The following GRID2 variants were observed in gnomAD, a reference collection of about 807,000 sequenced individuals.
GRID2 encodes glutamate ionotropic receptor delta type subunit 2.
Under a neutral mutation model 114.8 loss-of-function variants are expected in GRID2, and 33 were observed. That is an observed-to-expected ratio of 0.29 (90% CI 0.22 to 0.38). The LOEUF is 0.38. Among genes scored for constraint, GRID2 ranks in the 10% least tolerant of loss-of-function variants. GRID2 has a pLI of 1.00. For synonymous variants in GRID2, 505 were observed against 449.9 expected, an observed-to-expected ratio of 1.12 and a Z score of -1.55; for missense variants, 1,184 against 1,257.7, an observed-to-expected ratio of 0.94 and a Z score of 0.89.
At chr4:93,660,262 C>A (rs1723371084) in intron 14 of GRID2, among the ~76,000 whole-genome samples, 1 of 151,986 alleles carries the variant, frequency 6.6e-6, no homozygotes, top group Non-Finnish European at 1.5e-5. Context: ...ATGGTTATTT[C>A]TCAAATTATA....
At chr4:93,338,103 G>A (rs1047454514) in intron 8 of GRID2, among the ~76,000 whole-genome samples, 4 of 152,118 alleles carry the variant, frequency 2.6e-5, no homozygotes, top group Admixed American at 6.6e-5. Flanking sequence ...CAAATTAAAT[G>A]ATGAAGTATA....
intron 2 of GRID2, among the ~76,000 whole-genome samples, chr4:92,844,591 G>A (rs553059876): frequency 6.6e-6 from 1 of 151,370 alleles, no homozygotes; most frequent in South Asian, 2.1e-4. Flanking sequence ...AATGGGAACA[G>A]TATGATCAGG....
At chr4:93,468,789 G>T (rs1045979093) in intron 11 of GRID2, among the ~76,000 whole-genome samples, 10 of 152,050 alleles carry the variant, frequency 6.6e-5, no homozygotes, top group African/African-American at 2.2e-4. Flanking sequence ...TAATTGTAAT[G>T]GGAGGCATTG....
chr4:93,489,621 C>G (rs1190003915), intron 11 of GRID2, among the ~76,000 whole-genome samples: 1 of 151,796 alleles, frequency 6.6e-6, no homozygotes, highest in African/African-American at 2.4e-5. Context: ...TCAAAGATGT[C>G]ATCTTTGAAT....
At chr4:93,739,393 C>A (rs950164525) in intron 14 of GRID2, among the ~76,000 whole-genome samples, 1 of 152,028 alleles carries the variant, frequency 6.6e-6, no homozygotes, top group Non-Finnish European at 1.5e-5. Context: ...TTTTGCACCC[C>A]CTCATCATGC....
intron 13 of GRID2, among the ~76,000 whole-genome samples, chr4:93,557,059 C>A (rs528566039): frequency 6.6e-6 from 1 of 152,256 alleles, no homozygotes; most frequent in South Asian, 2.1e-4. Context: ...TTTGTCACAG[C>A]CAGGCCTGCC....
intron 8 of GRID2, among the ~76,000 whole-genome samples, chr4:93,286,094 C>T (rs1753126647): frequency 1.3e-5 from 2 of 151,832 alleles, no homozygotes; most frequent in African/African-American, 4.8e-5. Flanking sequence ...TAGAATATGC[C>T]ATTGATTTTA....
chr4:93,291,383 C>T (rs995137798), intron 8 of GRID2, among the ~76,000 whole-genome samples: 1 of 152,098 alleles, frequency 6.6e-6, no homozygotes, highest in South Asian at 2.1e-4. Context: ...TTTAGCATTA[C>T]TAAACTATAA....
intron 1 of GRID2, among the ~76,000 whole-genome samples, chr4:92,456,799 G>A (rs1039345207): frequency 6.6e-6 from 1 of 152,050 alleles, no homozygotes; most frequent in Non-Finnish European, 1.5e-5. Flanking sequence ...GGCATGCTAT[G>A]ATAACAACTT....
At chr4:93,343,289 C>A (rs959753702) in intron 8 of GRID2, among the ~76,000 whole-genome samples, 1 of 151,778 alleles carries the variant, frequency 6.6e-6, no homozygotes, top group Non-Finnish European at 1.5e-5. Flanking sequence ...TCACATCTGA[C>A]TATTTGAATT....
At chr4:92,877,487 A>C (rs1745716635) in intron 2 of GRID2, among the ~76,000 whole-genome samples, 1 of 152,214 alleles carries the variant, frequency 6.6e-6, no homozygotes. Context: ...AATGAGGATG[A>C]GCGAGGCATC....
At chr4:93,515,860 A>G (rs1729666491) in intron 13 of GRID2, among the ~76,000 whole-genome samples, 1 of 152,158 alleles carries the variant, frequency 6.6e-6, no homozygotes, top group Non-Finnish European at 1.5e-5. Flanking sequence ...AATCTTGTCA[A>G]CAAATAAGGT....
chr4:93,209,690 A>G (rs12512979), intron 5 of GRID2, among the ~76,000 whole-genome samples: 109,255 of 151,920 alleles, frequency 0.72, 40,476 homozygotes, highest in African/African-American at 0.89. Context: ...TTCCACAATG[A>G]TTGAACAAAT....
At chr4:92,841,765 C>T (rs182618258) in intron 2 of GRID2, among the ~76,000 whole-genome samples, 1 of 152,152 alleles carries the variant, frequency 6.6e-6, no homozygotes, top group Admixed American at 6.6e-5. Context: ...GGTATTCAAA[C>T]AAACACATAT....
chr4:93,242,358 T>C (rs569386490), intron 8 of GRID2, among the ~76,000 whole-genome samples: 168 of 151,916 alleles, frequency 1.1e-3, no homozygotes, highest in Middle Eastern at 3.4e-3. Context: ...AAGAAATCAC[T>C]GTAGTACTAA....
chr4:92,692,901 T>C (rs762559228), intron 2 of GRID2, among the ~76,000 whole-genome samples: 4 of 151,804 alleles, frequency 2.6e-5, no homozygotes, highest in African/African-American at 4.8e-5. Context: ...TGCATGCCTG[T>C]AATCCTAGCT....
intron 2 of GRID2, among the ~76,000 whole-genome samples, chr4:92,968,006 C>T (rs991282501): frequency 6.6e-6 from 1 of 151,780 alleles, no homozygotes; most frequent in Non-Finnish European, 1.5e-5. Flanking sequence ...GAACCTTGTG[C>T]GTCTATTTTC....
intron 2 of GRID2, among the ~76,000 whole-genome samples, chr4:92,667,345 G>A (rs138399272): frequency 1.3e-5 from 2 of 151,646 alleles, no homozygotes; most frequent in East Asian, 3.9e-4. Context: ...ATATAACACT[G>A]GGTAAAAGTA....
intron 2 of GRID2, among the ~76,000 whole-genome samples, chr4:92,786,987 T>G (rs1739352831): frequency 6.6e-6 from 1 of 151,962 alleles, no homozygotes; most frequent in Non-Finnish European, 1.5e-5. Flanking sequence ...ACAGAAGAGT[T>G]GGTGCTTCTG....
Sources: allele counts gnomAD v4.1 joint callset (sites outside exome capture counted in the v4.1 genomes callset), GRCh38; gene constraint gnomAD v4.1.1; transcripts MANE v1.5; gene names NCBI Gene and HGNC (gene_info 2026-07-23, HGNC 2026-07-21).